Variants in PTPN3 observed in about 807,000 individuals in gnomAD.
The protein encoded by PTPN3 is protein tyrosine phosphatase non-receptor type 3.
Under a neutral mutation model 132.7 loss-of-function variants are expected in PTPN3, and 96 were observed. The ratio of observed to expected loss-of-function variants is 0.72; its 90% CI spans 0.61 to 0.86. PTPN3 has a LOEUF of 0.86. PTPN3 is among the 40% of genes least tolerant of loss of function. The pLI is 0.00. For synonymous variants in PTPN3, 398 were observed against 429.0 expected (o/e 0.93, Z 0.89); for missense variants, 1,125 against 1,159.6 (o/e 0.97, Z 0.43).
At chr9:109,500,405 A>C (rs1249768632), upstream of PTPN3, among the ~76,000 whole-genome samples, 1 of 152,194 alleles carries the variant, frequency 6.6e-6, no homozygotes, top group African/African-American at 2.4e-5. Flanking sequence ...TTACACCTAA[A>C]GGAAAGACCT....
chr9:109,483,662 C>A (rs768139791), intron 1 of PTPN3, among the ~76,000 whole-genome samples: 2 of 152,130 alleles, frequency 1.3e-5, no homozygotes, highest in African/African-American at 4.8e-5. Flanking sequence ...TCACTCCATA[C>A]GTCTCCCAAA....
chr9:109,537,234 A>T, the PTPN3 span, among the ~76,000 whole-genome samples: 1 of 152,232 alleles, frequency 6.6e-6, no homozygotes, highest in Non-Finnish European at 1.5e-5. Flanking sequence ...TAGCAACTTA[A>T]ACAAGAAAAA....
the PTPN3 span, among the ~76,000 whole-genome samples, chr9:109,514,639 A>G: frequency 6.6e-6 from 1 of 152,278 alleles, no homozygotes; most frequent in East Asian, 1.9e-4. Context: ...CTGAAAAATG[A>G]GGAGTGTGGT....
At chr9:109,489,050 AG>A (rs1847340069) in intron 1 of PTPN3, among the ~76,000 whole-genome samples, 1 of 152,226 alleles carries the variant, frequency 6.6e-6, no homozygotes, top group Non-Finnish European at 1.5e-5. Flanking sequence ...AAAGAAGATA[AG>A]GTCTAGGGTG....
intron 1 of PTPN3, among the ~76,000 whole-genome samples, chr9:109,497,506 C>T (rs1339395702): frequency 6.6e-6 from 1 of 152,146 alleles, no homozygotes; most frequent in Non-Finnish European, 1.5e-5. Flanking sequence ...TTTCCACCAG[C>T]TTGGAAAACC....
chr9:109,458,827 G>A (rs532254124), intron 2 of PTPN3, among the ~76,000 whole-genome samples: 3 of 152,312 alleles, frequency 2.0e-5, no homozygotes, highest in African/African-American at 4.8e-5. Flanking sequence ...AATTATTTAT[G>A]TATGATTTTA....
At chr9:109,532,670 T>C in the PTPN3 span, among the ~76,000 whole-genome samples, 85 of 152,138 alleles carry the variant, frequency 5.6e-4, no homozygotes, top group African/African-American at 1.9e-3. Flanking sequence ...CCCATGCTGC[T>C]TAGATAATAC....
intron 23 of PTPN3, among the ~76,000 whole-genome samples, chr9:109,382,773 T>G (rs1736746384): frequency 6.7e-6 from 1 of 148,818 alleles, no homozygotes; most frequent in Non-Finnish European, 1.5e-5. Flanking sequence ...TTTTTTCAAC[T>G]GTGGCAAAAT....
intron 8 of PTPN3, 23 bp downstream of exon 8, chr9:109,438,091 T>C (rs765010947): frequency 6.2e-7 from 1 of 1,602,344 alleles, no homozygotes; most frequent in Non-Finnish European, 8.5e-7. Flanking sequence ...GTCCCCAAAG[T>C]AGGCCACCCC....
At chr9:109,456,657 C>A (rs1321903105) in intron 4 of PTPN3, among the ~76,000 whole-genome samples, 1 of 152,194 alleles carries the variant, frequency 6.6e-6, no homozygotes, top group Non-Finnish European at 1.5e-5. Flanking sequence ...TATGGTGTGG[C>A]CTGACTGGCC....
chr9:109,465,457 C>A (rs1242485180), intron 1 of PTPN3, among the ~76,000 whole-genome samples: 1 of 152,164 alleles, frequency 6.6e-6, no homozygotes, highest in Non-Finnish European at 1.5e-5. Context: ...CACCTCTAAT[C>A]CCAGCACTTT....
At chr9:109,523,788 C>G in the PTPN3 span, among the ~76,000 whole-genome samples, 2 of 152,246 alleles carry the variant, frequency 1.3e-5, no homozygotes, top group Non-Finnish European at 2.9e-5. Context: ...CAAACACACA[C>G]ATAGTGTATG....
intron 1 of PTPN3, among the ~76,000 whole-genome samples, chr9:109,495,647 C>T (rs1162154265): frequency 6.6e-6 from 1 of 152,218 alleles, no homozygotes; most frequent in Non-Finnish European, 1.5e-5. Context: ...AAGCGTTGCT[C>T]TCAATTCTCT....
At chr9:109,532,114 G>A in the PTPN3 span, among the ~76,000 whole-genome samples, 2 of 152,132 alleles carry the variant, frequency 1.3e-5, no homozygotes, top group African/African-American at 4.8e-5. Flanking sequence ...GAAACTGGGT[G>A]ACCAAATGTT....
At chr9:109,531,357 C>T in the PTPN3 span, among the ~76,000 whole-genome samples, 1 of 152,144 alleles carries the variant, frequency 6.6e-6, no homozygotes, top group East Asian at 1.9e-4. Flanking sequence ...TGATGAAGGG[C>T]TAAGACAAGC....
In PTPN3 at chr9:109,378,087, T is replaced by C. The variant is rs1220247396; in HGVS notation, c.*1469A>G. 6.6e-6 allele frequency: 1 copy of C among 152,262 alleles called. No individual in the cohort carries two copies. The highest frequency in any genetic ancestry group is 1.5e-5 in the Non-Finnish European group (1 of 68,048). 9.4% of individuals were successfully genotyped at this position (152,262 alleles called of 1,614,324 possible). ...TTCATCCGTCTTGCTACCAGCAAAC[T>C]ATTCAATTGGCACCGAATTTGCTGA... On this transcript the variant is annotated 3_prime_UTR_variant, in exon 26 of 26. Transcript: ENST00000374541.
the PTPN3 span, among the ~76,000 whole-genome samples, chr9:109,534,644 A>AC: frequency 1.3e-5 from 2 of 149,708 alleles, no homozygotes; most frequent in Non-Finnish European, 3.0e-5. Context: ...AAAAAAAAAA[A>AC]AAAAAAAAAT....
At chr9:109,533,726 T>C in the PTPN3 span, 8 of 1,461,834 alleles carry the variant, frequency 5.5e-6, no homozygotes, top group African/African-American at 2.8e-5. Flanking sequence ...TCCACGCCCA[T>C]AGGGTCTCCG....
In PTPN3 at chr9:109,382,366, G is replaced by A; in HGVS notation, c.2464C>T (p.Leu822=). The change falls in exon 24 of 26, where the codon CTG becomes TTG. Residue 822 remains leucine, a synonymous_variant. Transcript: ENST00000374541. ...GACCTCACATAGTTTACAAATTCCA[G>A]AAAGTCGGAGGAGTCATCGGGCACA... ...HGVPDDSSDF[L]EFVNYVRSLR... 1 of 1,614,140 alleles carries A rather than the reference G, an allele frequency of 6.2e-7. No individual in the cohort carries two copies. The highest frequency in any genetic ancestry group is 8.5e-7 in the Non-Finnish European group (1 of 1,179,964).
Sources: gnomAD v4.1 joint callset for allele counts (sites outside exome capture counted in the v4.1 genomes callset) on GRCh38, gnomAD v4.1.1 for gene constraint, MANE v1.5 for transcripts, NCBI Gene and HGNC (gene_info 2026-07-23, HGNC 2026-07-21) for gene names.